KAZN: variants seen among roughly 807,000 people sequenced by gnomAD.
The protein encoded by KAZN is kazrin, periplakin interacting protein, also known as kazrin.
In KAZN, 40 loss-of-function variants were observed where a neutral mutation model predicts 87.4. That is an observed-to-expected ratio of 0.46 (90% confidence interval 0.36 to 0.60). The LOEUF (loss-of-function observed/expected upper bound fraction) is 0.60, where lower values mean the gene tolerates loss of function less well. Among genes scored for constraint, KAZN ranks in the 20% least tolerant of loss-of-function variants. The probability of loss-of-function intolerance (pLI) is 0.00; values close to 1 mark genes in which losing one functional copy is unlikely to be tolerated. For synonymous variants in KAZN, 466 were observed against 458.3 expected (o/e 1.02, Z -0.22); for missense variants, 898 against 1,073.9 (o/e 0.84, Z 2.29).
At chr1:14,067,853 A>C (rs922030703) in intron 1 of KAZN, among the ~76,000 whole-genome samples, 2 of 152,198 alleles carry the variant, frequency 1.3e-5, no homozygotes, top group East Asian at 3.9e-4. Flanking sequence ...CCAGTTCCTC[A>C]TTCAGGCAGA....
At chr1:14,276,158 A>AGG (rs200247780) in intron 2 of KAZN, among the ~76,000 whole-genome samples, 7,104 of 85,390 alleles carry the variant, frequency 0.083, 217 homozygotes, top group Middle Eastern at 0.18. Flanking sequence ...GTTCGCTATA[A>AGG]GGGTGTGTGT....
chr1:14,583,754 T>A (rs1170258450), intron 2 of KAZN, among the ~76,000 whole-genome samples: 1 of 152,176 alleles, frequency 6.6e-6, no homozygotes. Context: ...AGCTACAGTA[T>A]CCACTCTGCA....
Position 15,021,526 on chromosome 1 carries a change from G to T in KAZN, c.419-13223G>T, listed in dbSNP as rs1036349137. Among the ~76,000 whole-genome samples the T allele has an allele frequency of 1.3e-5, 2 of 152,236 alleles. No homozygotes were observed. The highest frequency in any genetic ancestry group is 4.8e-5 in the African/African-American group (2 of 41,532). ...ATTTCCCTCCTGCTGGTATACCTTG[G>T]CCTCCTGTCTCCCTCGGGGAGGAGC... On this transcript the variant is annotated intron_variant, in intron 2 of 14. Coordinates refer to ENST00000376030, the MANE Select transcript of KAZN (RefSeq NM_201628.3). This position sits in a 1 kb window ranked among gnomAD's most constrained non-coding sequence, Gnocchi z 4.2.
At chr1:14,376,091 T>C (rs1329626597) in intron 2 of KAZN, among the ~76,000 whole-genome samples, 2 of 152,138 alleles carry the variant, frequency 1.3e-5, no homozygotes, top group African/African-American at 4.8e-5. Flanking sequence ...GGAGTGTTCA[T>C]GGACCCAGCA....
chr1:14,916,207 T>C (rs1657803570), intron 1 of KAZN, among the ~76,000 whole-genome samples: 1 of 149,908 alleles, frequency 6.7e-6, no homozygotes, highest in Non-Finnish European at 1.5e-5. Context: ...TCTCGCTTTG[T>C]CACCCAGGCT....
intron 2 of KAZN, among the ~76,000 whole-genome samples, chr1:15,005,514 G>A (rs1333495434): frequency 3.3e-5 from 5 of 152,192 alleles, no homozygotes; most frequent in African/African-American, 4.8e-5. Context: ...GGCCGGGTGC[G>A]GTGGCTCACA....
chr1:14,256,474 AAGGG>A (rs1372650682), intron 2 of KAZN, among the ~76,000 whole-genome samples: 1 of 152,100 alleles, frequency 6.6e-6, no homozygotes, highest in Non-Finnish European at 1.5e-5. Flanking sequence ...AGGAAGGAGA[AAGGG>A]AAGGAAGAGA....
At chr1:15,046,109 C>T (rs1303154052) in intron 4 of KAZN, among the ~76,000 whole-genome samples, 4 of 152,136 alleles carry the variant, frequency 2.6e-5, no homozygotes, top group Non-Finnish European at 5.9e-5. Context: ...ACCAGCCTGG[C>T]TAACACGGTG....
intron 1 of KAZN, among the ~76,000 whole-genome samples, chr1:14,921,860 T>C (rs755823951): frequency 3.3e-5 from 5 of 152,196 alleles, no homozygotes; most frequent in African/African-American, 4.8e-5. Context: ...TACAGGTGTG[T>C]GCCACCACTC....
chr1:14,861,414 T>C (rs548990110), intron 1 of KAZN, among the ~76,000 whole-genome samples: 1 of 152,212 alleles, frequency 6.6e-6, no homozygotes, highest in African/African-American at 2.4e-5. Flanking sequence ...CTGCAAACGC[T>C]TTTGCACCAA....
chr1:13,938,546 G>C (rs1640822911), intron 1 of KAZN, among the ~76,000 whole-genome samples: 1 of 152,084 alleles, frequency 6.6e-6, no homozygotes, highest in South Asian at 2.1e-4. Flanking sequence ...GATTTCTCTA[G>C]CTAGGGCTTC....
At chr1:14,616,922 G>A (rs564285853) in intron 1 of KAZN, among the ~76,000 whole-genome samples, 1 of 152,288 alleles carries the variant, frequency 6.6e-6, no homozygotes, top group South Asian at 2.1e-4. Context: ...CTCCTAAGGG[G>A]CTGTCTATGC....
chr1:14,941,939 G>A (rs532440809), intron 1 of KAZN, among the ~76,000 whole-genome samples: 7 of 152,254 alleles, frequency 4.6e-5, no homozygotes, highest in Non-Finnish European at 8.8e-5. Flanking sequence ...GCTATGGGCC[G>A]TCTACCGCTG....
chr1:14,443,762 C>T (rs1666825587), intron 2 of KAZN, among the ~76,000 whole-genome samples: 1 of 152,222 alleles, frequency 6.6e-6, no homozygotes, highest in Non-Finnish European at 1.5e-5. Flanking sequence ...AAGTATTTTG[C>T]TGCTTTCCTT....
intron 2 of KAZN, among the ~76,000 whole-genome samples, chr1:14,397,105 C>T (rs1197082024): frequency 6.6e-6 from 1 of 152,116 alleles, no homozygotes; most frequent in Non-Finnish European, 1.5e-5. Flanking sequence ...AGTAATAGCC[C>T]CACTTCCTCT....
In KAZN at chr1:14,616,472, GA is replaced by G. The variant is rs530449852; in HGVS notation, c.226+17262del. On this transcript the variant is annotated intron_variant, in intron 1 of 14. Coordinates refer to ENST00000376030, the MANE Select transcript of KAZN (RefSeq NM_201628.3). ...AGGGAGCATAGAAGAGGGTGATTTA[GA>G]AAAAAAAAAAAAGTACAAGCCAGAT... Among the ~76,000 whole-genome samples, 1,225 of 136,646 alleles carry G rather than the reference GA, an allele frequency of 9.0e-3. 12 individuals carry two copies. The highest frequency in any genetic ancestry group is 0.031 in the Middle Eastern group (8 of 260). 89.6% of individuals were successfully genotyped at this position (136,646 alleles called of 152,430 possible). A position where few individuals can be genotyped will look rare whatever the true frequency, so the allele number is the denominator to read the frequency against.
chr1:15,027,699 G>C (rs1671313766), intron 2 of KAZN, among the ~76,000 whole-genome samples: 1 of 152,200 alleles, frequency 6.6e-6, no homozygotes, highest in African/African-American at 2.4e-5. Flanking sequence ...CAGCAGCTGG[G>C]ATCGTCTGAC....
At chr1:14,811,946 T>C (rs1646423812) in intron 1 of KAZN, among the ~76,000 whole-genome samples, 1 of 152,210 alleles carries the variant, frequency 6.6e-6, no homozygotes, top group Non-Finnish European at 1.5e-5. Flanking sequence ...AAAATCCATC[T>C]AAGTACCCCA....
chr1:15,007,056 CAAAAAAA>C lies in KAZN; in HGVS notation c.419-27678_419-27672del, dbSNP rs35245453. Among the ~76,000 whole-genome samples the C allele has an allele frequency of 1.8e-4, 12 of 67,902 alleles. 1 individual carries two copies. The South Asian group carries it at 5.1e-3, about 29-fold the overall frequency. The allele number at this position is 67,902 out of a possible 152,430, so 44.5% of individuals were successfully genotyped here. A position where few individuals can be genotyped will look rare whatever the true frequency, so the allele number is the denominator to read the frequency against. On this transcript the variant is annotated intron_variant, in intron 2 of 14. Coordinates refer to ENST00000376030, the MANE Select transcript of KAZN (RefSeq NM_201628.3). ...TGGGTGACAGAGCAAGACTCCGTCT[CAAAAAAA>C]AAAAAAAAAAAAAAGAAAAACAGAA... is the stretch of plus-strand genomic sequence containing the variant.
Sources: gnomAD v4.1 joint callset for allele counts (sites outside exome capture counted in the v4.1 genomes callset) on GRCh38, gnomAD v4.1.1 for gene constraint, Gnocchi (gnomAD v3.1) non-coding constraint, MANE v1.5 for transcripts, NCBI Gene and HGNC (gene_info 2026-07-23, HGNC 2026-07-21) for gene names.